CCDC152: variants seen among roughly 807,000 people sequenced by gnomAD.
CCDC152 encodes the protein coiled-coil domain containing 152.
Under a neutral mutation model 38.1 loss-of-function variants are expected in CCDC152, and 37 were observed. The ratio of observed to expected loss-of-function variants is 0.97; its 90% confidence interval spans 0.75 to 1.28. The LOEUF (loss-of-function observed/expected upper bound fraction) is 1.28, where lower values mean the gene tolerates loss of function less well. Among genes scored for constraint, CCDC152 ranks in the 50% most tolerant of loss-of-function variants. CCDC152 has a pLI of 0.00. For synonymous variants in CCDC152, 83 were observed against 87.1 expected (o/e 0.95, Z 0.26); for missense variants, 259 against 292.1 (o/e 0.89, Z 0.83).
rs1760083239 is a variant in CCDC152 at position 42,796,904 on chromosome 5, T to G, written c.506T>G (p.Leu169Arg). The G allele has an allele frequency of 6.5e-7, 1 of 1,531,336 alleles. No individual in the cohort carries two copies. Among genetic ancestry groups the G allele is most frequent in the South Asian group, 1.3e-5 (1 of 79,716 alleles). The allele number at this position is 1,531,336 out of a possible 1,614,324, so 94.9% of individuals were successfully genotyped here. ...GAAATTTCAGAGTTAAATGCAAAGC[T>G]AAGAAGTCAAGAAAAAGAAAAACAA... is the stretch of plus-strand genomic sequence containing the variant. ...EMEISELNAK[L>R]RSQEKEKQNE... Residue 169 changes from leucine (L) to arginine (R), a missense_variant, in exon 7 of 9, where the codon CTA becomes CGA. Physicochemically the swap from Leu to Arg is moderately radical, Grantham distance 102 (BLOSUM62 -2). Transcript: ENST00000361970.
At chr5:42,772,917 A>T (rs1402125977) in intron 4 of CCDC152, among the ~76,000 whole-genome samples, 13 of 152,126 alleles carry the variant, frequency 8.5e-5, no homozygotes, top group Admixed American at 8.5e-4. Flanking sequence ...TCTTTTTCAG[A>T]CATTCACCCT....
chr5:42,789,279 C>T (rs1759966828), intron 6 of CCDC152, among the ~76,000 whole-genome samples: 1 of 152,204 alleles, frequency 6.6e-6, no homozygotes, highest in African/African-American at 2.4e-5. Context: ...TGGCTTCTTC[C>T]TGTGGGCTCT....
intron 4 of CCDC152, among the ~76,000 whole-genome samples, chr5:42,779,078 T>C (rs543538865): frequency 2.4e-4 from 36 of 152,286 alleles, no homozygotes; most frequent in Middle Eastern, 3.4e-3. Flanking sequence ...TGCTCTCTCT[T>C]AACATGGGGT....
intron 6 of CCDC152, among the ~76,000 whole-genome samples, chr5:42,787,954 T>C (rs1759945058): frequency 6.6e-6 from 1 of 152,188 alleles, no homozygotes; most frequent in Admixed American, 6.5e-5. Context: ...TTATGATTAA[T>C]ATTTATATGT....
In CCDC152 at chr5:42,796,950, A is replaced by G; in HGVS notation, c.552A>G (p.Gln184=). 1 of 1,518,560 alleles carries G rather than the reference A, an allele frequency of 6.6e-7. No individual in the cohort carries two copies. Among genetic ancestry groups the G allele is most frequent in the African/African-American group, 1.4e-5 (1 of 71,142 alleles). The allele number at this position is 1,518,560 out of a possible 1,614,324, so 94.1% of individuals were successfully genotyped here. ...KEKQNEIIKL[Q]LEFDAKLARV... ...AACAAAATGAAATAATCAAGCTACA[A>G]CTAGAAGTAAGTGTTTAAGAGTCTG... is the stretch of plus-strand genomic sequence containing the variant. The change falls in exon 7 of 9, where the codon CAA becomes CAG. Residue 184 remains glutamine, a synonymous_variant. Transcript: ENST00000361970.
intron 6 of CCDC152, among the ~76,000 whole-genome samples, chr5:42,795,133 A>G (rs919890061): frequency 6.6e-6 from 1 of 152,216 alleles, no homozygotes; most frequent in Non-Finnish European, 1.5e-5. Flanking sequence ...AATAAGTATT[A>G]AAATCTGCTA....
At chr5:42,769,063 C>A (rs1759664048) in intron 3 of CCDC152, among the ~76,000 whole-genome samples, 1 of 152,012 alleles carries the variant, frequency 6.6e-6, no homozygotes, top group Admixed American at 6.6e-5. Flanking sequence ...GCATGGCCAA[C>A]ATGGTGAAAC....
intron 3 of CCDC152, among the ~76,000 whole-genome samples, chr5:42,768,802 G>A (rs753756172): frequency 6.6e-6 from 1 of 152,252 alleles, no homozygotes; most frequent in East Asian, 1.9e-4. Flanking sequence ...GATTTGCATG[G>A]ACATACTTCT....
At chr5:42,789,001 C>T (rs575190378) in intron 6 of CCDC152, among the ~76,000 whole-genome samples, 1 of 152,328 alleles carries the variant, frequency 6.6e-6, no homozygotes, top group East Asian at 1.9e-4. Flanking sequence ...ACAGCACCCA[C>T]CATCTCAGTT....
chr5:42,765,783 A>G (rs750957154), intron 3 of CCDC152, among the ~76,000 whole-genome samples: 2 of 152,188 alleles, frequency 1.3e-5, no homozygotes, highest in African/African-American at 4.8e-5. Context: ...AAAAACTTAA[A>G]TCTAAGACTT....
chr5:42,766,848 C>G (rs1759630960), intron 3 of CCDC152, among the ~76,000 whole-genome samples: 1 of 151,240 alleles, frequency 6.6e-6, no homozygotes, highest in Non-Finnish European at 1.5e-5. Flanking sequence ...TATTCGTTAG[C>G]ACAGTAAGGT....
intron 3 of CCDC152, among the ~76,000 whole-genome samples, chr5:42,765,987 G>A (rs1759619241): frequency 1.3e-5 from 2 of 152,012 alleles, no homozygotes; most frequent in African/African-American, 4.8e-5. Flanking sequence ...CCCACAGAAT[G>A]GGAAAAAATA....
intron 5 of CCDC152, among the ~76,000 whole-genome samples, chr5:42,779,782 A>G (rs1759819550): frequency 6.6e-6 from 1 of 152,074 alleles, no homozygotes. Flanking sequence ...TCTTTCTACC[A>G]AAAAGAGATG....
At chr5:42,776,030 A>G (rs895725615) in intron 4 of CCDC152, among the ~76,000 whole-genome samples, 1 of 152,082 alleles carries the variant, frequency 6.6e-6, no homozygotes, top group Non-Finnish European at 1.5e-5. Context: ...GAAGACAAAA[A>G]TAGGATCAAA....
At chr5:42,788,076 T>C (rs902101587) in intron 6 of CCDC152, among the ~76,000 whole-genome samples, 10 of 152,228 alleles carry the variant, frequency 6.6e-5, no homozygotes, top group Non-Finnish European at 1.2e-4. Context: ...GCAAGTATTG[T>C]CCTTTTGTTT....
At chr5:42,796,575 G>A (rs1041626565) in intron 6 of CCDC152, among the ~76,000 whole-genome samples, 4 of 152,088 alleles carry the variant, frequency 2.6e-5, no homozygotes, top group African/African-American at 9.7e-5. Flanking sequence ...TTATTTTCCA[G>A]GCCTTTGATG....
chr5:42,794,009 A>G (rs1273005135), intron 6 of CCDC152, among the ~76,000 whole-genome samples: 2 of 152,248 alleles, frequency 1.3e-5, no homozygotes, highest in Admixed American at 1.3e-4. Context: ...GTTTCACTGT[A>G]TTGGTTTAAT....
chr5:42,790,889 T>C (rs3906418), intron 6 of CCDC152, among the ~76,000 whole-genome samples: 33,467 of 152,030 alleles, frequency 0.22, 4,538 homozygotes, highest in Admixed American at 0.35. Context: ...AATTATGCTC[T>C]CCGAAATTGG....
At chr5:42,777,477 A>G (rs938192553) in intron 4 of CCDC152, among the ~76,000 whole-genome samples, 10 of 151,586 alleles carry the variant, frequency 6.6e-5, no homozygotes, top group African/African-American at 1.5e-4. Flanking sequence ...TAAAAAAAAA[A>G]AAGAAGAAGA....
Sources: allele counts gnomAD v4.1 joint callset (sites outside exome capture counted in the v4.1 genomes callset), GRCh38; gene constraint gnomAD v4.1.1; transcripts MANE v1.5; gene names NCBI Gene and HGNC (gene_info 2026-07-23, HGNC 2026-07-21).